The following CNTNAP2 variants were observed in gnomAD, a reference collection of about 807,000 sequenced individuals.
The protein encoded by CNTNAP2 is contactin-associated protein-like 2.
CNTNAP2 carries 98 observed loss-of-function variants against 155.2 expected under a neutral mutation model. The ratio of observed to expected loss-of-function variants is 0.63; its 90% CI spans 0.54 to 0.75. CNTNAP2 has a LOEUF of 0.75. CNTNAP2 is among the 30% of genes least tolerant of loss of function. CNTNAP2 has a pLI of 0.00. For missense variants in CNTNAP2, 1,727 were observed against 1,688.1 expected (o/e 1.02, Z -0.40); for synonymous variants, 651 against 631.2 (o/e 1.03, Z -0.47).
chr7:148,129,339 C>A (rs751114410), intron 16 of CNTNAP2, among the ~76,000 whole-genome samples: 3 of 152,058 alleles, frequency 2.0e-5, no homozygotes, highest in Non-Finnish European at 4.4e-5. Context: ...TTCTTTCATG[C>A]GATGCTCGAA....
At chr7:147,107,455 A>G (rs1486573971) in intron 4 of CNTNAP2, among the ~76,000 whole-genome samples, 2 of 152,292 alleles carry the variant, frequency 1.3e-5, no homozygotes, top group Non-Finnish European at 1.5e-5. Context: ...AAACTCATAT[A>G]TGGATAAGTG....
At chr7:147,928,657 T>C (rs769792992) in intron 14 of CNTNAP2, among the ~76,000 whole-genome samples, 1 of 152,174 alleles carries the variant, frequency 6.6e-6, no homozygotes, top group Non-Finnish European at 1.5e-5. Context: ...TTTCCTGATG[T>C]CAGCAACATT....
At chr7:147,785,908 C>T (rs935921477) in intron 13 of CNTNAP2, among the ~76,000 whole-genome samples, 1 of 152,078 alleles carries the variant, frequency 6.6e-6, no homozygotes, top group Non-Finnish European at 1.5e-5. Context: ...AGGAGAATCA[C>T]CTGAACCCAG....
At chr7:148,316,279 G>C (rs988958025) in intron 21 of CNTNAP2, among the ~76,000 whole-genome samples, 1 of 152,020 alleles carries the variant, frequency 6.6e-6, no homozygotes, top group African/African-American at 2.4e-5. Context: ...CATAGCACAT[G>C]TATACATATG....
intron 1 of CNTNAP2, among the ~76,000 whole-genome samples, chr7:146,572,108 A>G (rs1418851518): frequency 6.6e-6 from 1 of 152,168 alleles, no homozygotes; most frequent in Non-Finnish European, 1.5e-5. Context: ...TAAGTACTCT[A>G]TTGCAGTCTT....
chr7:146,770,797 A>G (rs1802281596), intron 1 of CNTNAP2, among the ~76,000 whole-genome samples: 2 of 152,322 alleles, frequency 1.3e-5, no homozygotes, highest in South Asian at 4.1e-4. Context: ...TATAAATGCT[A>G]CATATAAATT....
intron 10 of CNTNAP2, among the ~76,000 whole-genome samples, chr7:147,436,467 C>T (rs918687942): frequency 2.0e-5 from 3 of 151,894 alleles, no homozygotes; most frequent in Non-Finnish European, 1.5e-5. Context: ...AGGGAATAAA[C>T]AGACTAAAAA....
intron 1 of CNTNAP2, among the ~76,000 whole-genome samples, chr7:146,256,137 C>A (rs1316354857): frequency 6.6e-6 from 1 of 152,152 alleles, no homozygotes. Context: ...CTACTGGAAG[C>A]TTCTTTGGGT....
At chr7:146,929,447 A>G (rs923505561) in intron 3 of CNTNAP2, among the ~76,000 whole-genome samples, 1 of 152,190 alleles carries the variant, frequency 6.6e-6, no homozygotes, top group Non-Finnish European at 1.5e-5. Flanking sequence ...GTACATCACC[A>G]TCATCAAAGA....
In CNTNAP2 at chr7:146,852,339, T is replaced by C. The variant is rs567281099; in HGVS notation, c.402+12435T>C. Among the ~76,000 whole-genome samples, 23 of 152,270 alleles carry C rather than the reference T, an allele frequency of 1.5e-4. No individual in the cohort carries two copies. In the South Asian group the frequency reaches 4.6e-3, roughly 30 times the overall value. On this transcript the variant is annotated intron_variant, in intron 3 of 23. Transcript: ENST00000361727. ...TCAACCTTCATTAACTCAGAAAATA[T>C]GCTTGAATCAAACGACTACTTATAT...
chr7:147,415,245 C>A (rs1377727605), intron 10 of CNTNAP2, among the ~76,000 whole-genome samples: 1 of 152,132 alleles, frequency 6.6e-6, no homozygotes, highest in Non-Finnish European at 1.5e-5. Flanking sequence ...TGCTGCCCTG[C>A]CTTCCACTTA....
intron 8 of CNTNAP2, among the ~76,000 whole-genome samples, chr7:147,186,094 A>C (rs1458277648): frequency 6.6e-6 from 1 of 152,162 alleles, no homozygotes; most frequent in Admixed American, 6.5e-5. Context: ...ATATGTTAAA[A>C]CGACATTTTG....
chr7:146,135,337 AC>A lies in CNTNAP2; in HGVS notation c.97+18365del, dbSNP rs772619003. ...AAATTCAGAAAGATGTAGATACTCC[AC>A]TAACTAGTTGGATAGCCTTAGACAA... On this transcript the variant is annotated intron_variant, in intron 1 of 23. Transcript: ENST00000361727. Among the ~76,000 whole-genome samples, 33 of 152,276 alleles carry A rather than the reference AC, an allele frequency of 2.2e-4. No homozygotes were observed. The Middle Eastern group carries it at 0.014, about 63-fold the overall frequency.
chr7:147,129,773 A>C (rs2129284621), intron 7 of CNTNAP2, among the ~76,000 whole-genome samples: 1 of 152,330 alleles, frequency 6.6e-6, no homozygotes, highest in Non-Finnish European at 1.5e-5. Flanking sequence ...CTGAATGAAT[A>C]AACAGTTCAG....
At chr7:146,338,096 T>C (rs1438232475) in intron 1 of CNTNAP2, among the ~76,000 whole-genome samples, 1 of 152,114 alleles carries the variant, frequency 6.6e-6, no homozygotes, top group Non-Finnish European at 1.5e-5. Context: ...AGGGGACAAA[T>C]GGATATACAG....
chr7:148,068,690 T>A (rs1047062254), intron 15 of CNTNAP2, among the ~76,000 whole-genome samples: 1 of 152,192 alleles, frequency 6.6e-6, no homozygotes, highest in Admixed American at 6.5e-5. Context: ...CCCAATAATG[T>A]TATAATTTCC....
intron 1 of CNTNAP2, among the ~76,000 whole-genome samples, chr7:146,691,603 G>A (rs1563190561): frequency 6.6e-6 from 1 of 152,016 alleles, no homozygotes; most frequent in Non-Finnish European, 1.5e-5. Context: ...AATTTGTAAG[G>A]CAAATAATCG....
chr7:147,288,027 C>T (rs971590702), intron 8 of CNTNAP2, among the ~76,000 whole-genome samples: 18 of 152,094 alleles, frequency 1.2e-4, no homozygotes, highest in African/African-American at 4.3e-4. Context: ...GTCCTTCCCC[C>T]TTACCTTTTG....
chr7:147,173,148 T>A (rs1329629086), intron 8 of CNTNAP2, among the ~76,000 whole-genome samples: 2 of 152,184 alleles, frequency 1.3e-5, no homozygotes, highest in Non-Finnish European at 2.9e-5. Context: ...GGTATTAAAG[T>A]CTGCACTTTC....
Sources: allele counts gnomAD v4.1 joint callset (sites outside exome capture counted in the v4.1 genomes callset), GRCh38; gene constraint gnomAD v4.1.1; transcripts MANE v1.5; gene names NCBI Gene and HGNC (gene_info 2026-07-23, HGNC 2026-07-21).